Variants in RAB11FIP4 observed in about 807,000 individuals in gnomAD.
RAB11FIP4 encodes RAB11 family interacting protein 4.
RAB11FIP4 carries 23 observed loss-of-function variants against 74.3 expected under a neutral mutation model. The ratio of observed to expected loss-of-function variants is 0.31; its 90% CI spans 0.22 to 0.44. RAB11FIP4 has a LOEUF of 0.44. Among genes scored for constraint, RAB11FIP4 ranks in the 20% least tolerant of loss-of-function variants. The probability of loss-of-function intolerance (pLI) is 1.00; values close to 1 mark genes in which losing one functional copy is unlikely to be tolerated. For missense variants in RAB11FIP4, 630 were observed against 863.9 expected, an observed-to-expected ratio of 0.73 and a Z score of 3.39; for synonymous variants, 360 against 359.9, an observed-to-expected ratio of 1.00 and a Z score of 0.00.
intron 13 of RAB11FIP4, among the ~76,000 whole-genome samples, chr17:31,529,144 G>A (rs982002218): frequency 4.0e-5 from 6 of 150,150 alleles, no homozygotes; most frequent in Middle Eastern, 3.4e-3. Flanking sequence ...TGATACCCAG[G>A]CTGGAGTGCT....
intron 1 of RAB11FIP4, among the ~76,000 whole-genome samples, chr17:31,418,963 G>C (rs7406402): frequency 6.6e-6 from 1 of 151,858 alleles, no homozygotes; most frequent in Non-Finnish European, 1.5e-5. Flanking sequence ...CCTCCTCCTC[G>C]CTCTTGGCAC....
intron 1 of RAB11FIP4, among the ~76,000 whole-genome samples, chr17:31,418,492 C>A (rs2071169420): frequency 9.9e-6 from 1 of 100,556 alleles, no homozygotes; most frequent in South Asian, 3.1e-4. Context: ...GAGACAGGGT[C>A]TCACTGTGTC....
At chr17:31,504,852 A>G (rs1478644539) in intron 3 of RAB11FIP4, among the ~76,000 whole-genome samples, 1 of 152,222 alleles carries the variant, frequency 6.6e-6, no homozygotes, top group African/African-American at 2.4e-5. Flanking sequence ...AATCTAGAAC[A>G]GTGGTTTGCA....
At chr17:31,396,714 T>G (rs1013650758) in intron 1 of RAB11FIP4, among the ~76,000 whole-genome samples, 7 of 152,174 alleles carry the variant, frequency 4.6e-5, no homozygotes, top group Admixed American at 2.0e-4. Flanking sequence ...TGGTAGACAT[T>G]GAAAGCAGCC....
At chr17:31,513,339 G>C (rs953124992) in intron 3 of RAB11FIP4, among the ~76,000 whole-genome samples, 1 of 152,176 alleles carries the variant, frequency 6.6e-6, no homozygotes, top group Admixed American at 6.5e-5. Context: ...AGGGAAATTG[G>C]CCAAGAAGAG....
intron 3 of RAB11FIP4, among the ~76,000 whole-genome samples, chr17:31,480,483 A>C (rs1177591822): frequency 1.3e-5 from 2 of 152,106 alleles, no homozygotes; most frequent in Non-Finnish European, 2.9e-5. Flanking sequence ...TTGGTGCCTA[A>C]ATCCATAGTG....
chr17:31,525,525 C>A, intron 10 of RAB11FIP4: 1 of 394,772 alleles, frequency 2.5e-6, no homozygotes, highest in South Asian at 3.7e-5. Flanking sequence ...AGGCCTGGAG[C>A]GCCCCCTGCT....
chr17:31,447,815 G>A (rs1156927070), intron 3 of RAB11FIP4, among the ~76,000 whole-genome samples: 3 of 152,044 alleles, frequency 2.0e-5, no homozygotes, highest in Non-Finnish European at 2.9e-5. Flanking sequence ...AAGCCACCGC[G>A]CCCAACTGCT....
At chr17:31,464,748 G>GTTTT (rs1567664788) in intron 3 of RAB11FIP4, among the ~76,000 whole-genome samples, 6 of 45,272 alleles carry the variant, frequency 1.3e-4, no homozygotes, top group South Asian at 7.4e-4. Flanking sequence ...ACTGTGCCCG[G>GTTTT]CTTTTTTTTT....
intron 1 of RAB11FIP4, among the ~76,000 whole-genome samples, chr17:31,412,917 C>A (rs1267369886): frequency 6.6e-6 from 1 of 152,166 alleles, no homozygotes; most frequent in Non-Finnish European, 1.5e-5. Flanking sequence ...TCGGGGTCTG[C>A]CAGGGCCTCA....
At chr17:31,474,668 C>CAA (rs3058692) in intron 3 of RAB11FIP4, among the ~76,000 whole-genome samples, 1,945 of 135,778 alleles carry the variant, frequency 0.014, 35 homozygotes, top group African/African-American at 0.051. Flanking sequence ...GACTCCATCT[C>CAA]AAAAAAAAAA....
At position 31,531,763 on chromosome 17, in the gene RAB11FIP4, G is replaced by T; in HGVS notation, c.*31G>T. On this transcript the variant is annotated 3_prime_UTR_variant, in exon 15 of 15. Transcript: ENST00000621161. ...GGGGCTGGCTGCAGAGCAGCCTTAG[G>T]ACCCTGGGACCAAGGGCAGACCCTG... is the stretch of plus-strand genomic sequence containing the variant. The T allele has an allele frequency of 2.1e-6, 3 of 1,460,126 alleles. No homozygotes were observed. The highest frequency in any genetic ancestry group is 2.3e-5 in the East Asian group (1 of 44,172). 90.4% of individuals were successfully genotyped at this position (1,460,126 alleles called of 1,614,324 possible). A position where few individuals can be genotyped will look rare whatever the true frequency, so the allele number is the denominator to read the frequency against.
chr17:31,521,384 A>T, intron 5 of RAB11FIP4, 24 bp downstream of exon 5: 1 of 1,568,024 alleles, frequency 6.4e-7, no homozygotes, highest in Non-Finnish European at 8.7e-7. Flanking sequence ...CTGGGATGTC[A>T]TTTGGGGTCA....
intron 3 of RAB11FIP4, among the ~76,000 whole-genome samples, chr17:31,496,449 C>T (rs1381988698): frequency 6.6e-6 from 1 of 152,224 alleles, no homozygotes; most frequent in Non-Finnish European, 1.5e-5. Context: ...GAGTGGGTCA[C>T]TGGCCTTCCC....
At chr17:31,529,992 T>C (rs9914714) in intron 13 of RAB11FIP4, among the ~76,000 whole-genome samples, 13,105 of 152,140 alleles carry the variant, frequency 0.086, 1,635 homozygotes, top group African/African-American at 0.28. Context: ...AGAGCATCAC[T>C]TCCTTCACTG....
At chr17:31,491,744 T>C (rs1332513502) in intron 3 of RAB11FIP4, among the ~76,000 whole-genome samples, 1 of 152,128 alleles carries the variant, frequency 6.6e-6, no homozygotes, top group Non-Finnish European at 1.5e-5. Flanking sequence ...GGACTGACAG[T>C]ACAAGTGAGA....
intron 3 of RAB11FIP4, among the ~76,000 whole-genome samples, chr17:31,490,564 T>A (rs924424801): frequency 1.3e-5 from 2 of 151,726 alleles, no homozygotes; most frequent in Non-Finnish European, 2.9e-5. Context: ...TTTTTTTTTT[T>A]AATTGAGTTG....
At chr17:31,433,703 T>C (rs543142442) in intron 2 of RAB11FIP4, among the ~76,000 whole-genome samples, 1 of 152,282 alleles carries the variant, frequency 6.6e-6, no homozygotes, top group Non-Finnish European at 1.5e-5. Flanking sequence ...GGCACAGTCG[T>C]TTGGAGTCCC....
chr17:31,453,420 T>C (rs1245265329), intron 3 of RAB11FIP4, among the ~76,000 whole-genome samples: 1 of 139,914 alleles, frequency 7.1e-6, no homozygotes, highest in Non-Finnish European at 1.5e-5. Context: ...AGTCCAAGAG[T>C]TCTGAGTTTG....
Sources: gnomAD v4.1 joint callset for allele counts (sites outside exome capture counted in the v4.1 genomes callset) on GRCh38, gnomAD v4.1.1 for gene constraint, MANE v1.5 for transcripts, NCBI Gene and HGNC (gene_info 2026-07-23, HGNC 2026-07-21) for gene names.